XPO4: variants seen among roughly 807,000 people sequenced by gnomAD.
XPO4 encodes the protein exportin 4, also known as exportin-4.
Under a neutral mutation model 143.0 loss-of-function variants are expected in XPO4, and 39 were observed. The observed-to-expected ratio is 0.27, with a 90% confidence interval of 0.21 to 0.36. The LOEUF (loss-of-function observed/expected upper bound fraction) is 0.36. Ranked by LOEUF, XPO4 falls within the 10% of genes least tolerant of loss-of-function variation. The pLI, the probability that XPO4 is intolerant of heterozygous loss-of-function variation, is 1.00. For synonymous variants in XPO4, 439 were observed against 474.0 expected (o/e 0.93, Z 0.96); for missense variants, 907 against 1,348.0 (o/e 0.67, Z 5.12).
intron 9 of XPO4, among the ~76,000 whole-genome samples, chr13:20,817,754 T>C (rs985269810): frequency 2.0e-4 from 31 of 152,338 alleles, no homozygotes; most frequent in African/African-American, 7.0e-4. Context: ...TTATAAATCT[T>C]TTATAAAACA....
intron 16 of XPO4, 41 bp downstream of exon 16, chr13:20,799,124 G>A: frequency 6.6e-7 from 1 of 1,522,294 alleles, no homozygotes; most frequent in Non-Finnish European, 8.9e-7. Flanking sequence ...GAACTACAGA[G>A]TTACACAAAA....
chr13:20,900,929 A>G (rs1382538896), intron 1 of XPO4, among the ~76,000 whole-genome samples: 1 of 152,148 alleles, frequency 6.6e-6, no homozygotes, highest in Non-Finnish European at 1.5e-5. Context: ...CCTGTTTTTA[A>G]TAACATGACA....
intron 22 of XPO4, among the ~76,000 whole-genome samples, chr13:20,786,136 A>G (rs995419506): frequency 1.3e-5 from 2 of 152,050 alleles, no homozygotes; most frequent in African/African-American, 4.8e-5. Context: ...AGAGCAAGAA[A>G]TGAAGCCCCA....
chr13:20,848,961 A>G (rs1273193967), intron 4 of XPO4: 14 of 985,302 alleles, frequency 1.4e-5, no homozygotes, highest in Non-Finnish European at 1.7e-5. Context: ...TCTTATCTTC[A>G]CATTGAAAGT....
rs139318689 is a variant in XPO4 at position 20,788,065 on chromosome 13, T to G, written c.3047+421A>C. ...CAGTTTTTTGTTTTTTTGTTTTTTTTTTTTTTTGAGATGGAGTTTCACTCT... is the reference window on the plus strand; with the variant it reads ...CAGTTTTTTGTTTTTTTGTTTTTTTGTTTTTTTGAGATGGAGTTTCACTCT... On this transcript the variant is annotated intron_variant, in intron 20 of 22. Coordinates refer to ENST00000255305, the MANE Select transcript of XPO4 (RefSeq NM_022459.5). Among the ~76,000 whole-genome samples the G allele has an allele frequency of 7.5e-3, 1,141 of 151,294 alleles. 7 individuals carry two copies. Among genetic ancestry groups the G allele is most frequent in the Non-Finnish European group, 0.011 (725 of 67,748 alleles).
intron 8 of XPO4, 85 bp downstream of exon 8, chr13:20,822,047 A>G (rs1286874234): frequency 4.7e-6 from 7 of 1,480,244 alleles, no homozygotes; most frequent in Non-Finnish European, 6.3e-6. Flanking sequence ...TAAGGGGGAA[A>G]AAATAACTAG....
At chr13:20,856,966 A>G (rs2060150305) in intron 3 of XPO4, 1 of 854,692 alleles carries the variant, frequency 1.2e-6, no homozygotes, top group Non-Finnish European at 1.4e-6. Flanking sequence ...GCACACTAGC[A>G]TATGCAAAGC....
chr13:20,791,858 T>C (rs543002031), intron 18 of XPO4, among the ~76,000 whole-genome samples: 121 of 152,344 alleles, frequency 7.9e-4, no homozygotes, highest in African/African-American at 2.7e-3. Context: ...AATCCACTTG[T>C]TAAGCCTAAC....
chr13:20,876,902 T>G (rs969127652), intron 1 of XPO4, among the ~76,000 whole-genome samples: 2 of 152,280 alleles, frequency 1.3e-5, no homozygotes, highest in Admixed American at 6.5e-5. Context: ...CCCAAGCAGG[T>G]TGCCGCTGCT....
intron 22 of XPO4, among the ~76,000 whole-genome samples, chr13:20,786,375 A>G (rs929365076): frequency 2.6e-4 from 39 of 151,484 alleles, no homozygotes; most frequent in African/African-American, 9.0e-4. Context: ...GGAGAGGAAA[A>G]GGGGAAACAG....
In XPO4 at chr13:20,865,906, T is replaced by C. The variant is rs182404396; in HGVS notation, c.175+2690A>G. On this transcript the variant is annotated intron_variant, in intron 2 of 22. Transcript: ENST00000255305. The stretch of plus-strand genomic sequence containing the variant: ...TGACAGCACTACTAAGGAAACAATT[T>C]TCCAGAGGTGTAAAAGTTTACTAGT... 4.4e-3 allele frequency among the ~76,000 whole-genome samples: 671 copies of C among 152,328 alleles called. 4 individuals are homozygous for C. Among genetic ancestry groups the C allele is most frequent in the Non-Finnish European group, 6.6e-3 (447 of 68,026 alleles).
chr13:20,892,188 G>A (rs1039584526), intron 1 of XPO4, among the ~76,000 whole-genome samples: 2 of 152,102 alleles, frequency 1.3e-5, no homozygotes, highest in African/African-American at 4.8e-5. Flanking sequence ...CTGGGTTCAA[G>A]CGATTCTCCT....
chr13:20,793,209 C>T (rs536722014), intron 18 of XPO4, among the ~76,000 whole-genome samples: 2 of 152,188 alleles, frequency 1.3e-5, no homozygotes, highest in South Asian at 4.2e-4. Context: ...TTCCTTTTTA[C>T]CATCCATTTG....
At chr13:20,810,689 C>T (rs949764282) in intron 9 of XPO4, among the ~76,000 whole-genome samples, 3 of 152,128 alleles carry the variant, frequency 2.0e-5, no homozygotes, top group African/African-American at 7.2e-5. Flanking sequence ...AAAAGCCAGG[C>T]TTCTTCTTGC....
intron 3 of XPO4, among the ~76,000 whole-genome samples, chr13:20,862,299 TCAACAA>T (rs990264784): frequency 6.6e-6 from 1 of 151,926 alleles, no homozygotes; most frequent in Non-Finnish European, 1.5e-5. Context: ...TCTTCACAAC[TCAACAA>T]CAACAACAAA....
At position 20,843,800 on chromosome 13, in the gene XPO4, T is replaced by C; in HGVS notation, c.543A>G (p.Glu181=). ...SKTSNIGLSM[E]FHGNCKRVFQ... is the part of the protein sequence containing the mutation. The stretch of plus-strand genomic sequence containing the variant: ...AAACTCTTTTGCAGTTACCATGGAA[T>C]TCCATGCTCAATCCAATGTTGCTAG... Residue 181 remains glutamate (E), a synonymous_variant, in exon 5 of 23, where the codon GAA becomes GAG. Coordinates refer to ENST00000255305, the MANE Select transcript of XPO4 (RefSeq NM_022459.5). 1 of 1,613,292 alleles carries C rather than the reference T, an allele frequency of 6.2e-7. No individual in the cohort carries two copies. The highest frequency in any genetic ancestry group is 8.5e-7 in the Non-Finnish European group (1 of 1,179,708).
chr13:20,799,114 GA>G, intron 16 of XPO4, 50 bp downstream of exon 16: 1 of 1,488,502 alleles, frequency 6.7e-7, no homozygotes. Context: ...ATAGATAAAG[GA>G]ACTACAGAGT....
At chr13:20,881,574 A>G (rs1398607711) in intron 1 of XPO4, among the ~76,000 whole-genome samples, 1 of 151,922 alleles carries the variant, frequency 6.6e-6, no homozygotes, top group Admixed American at 6.6e-5. Flanking sequence ...CCAGCCAATA[A>G]TTTTTTTTAA....
intron 16 of XPO4, among the ~76,000 whole-genome samples, 161 bp from the exon 17 acceptor site, chr13:20,797,218 G>A (rs892286445): frequency 3.3e-5 from 5 of 152,006 alleles, no homozygotes; most frequent in South Asian, 2.1e-4. Flanking sequence ...CCATTTTGAG[G>A]GTCATCCTAA....
Sources: allele counts gnomAD v4.1 joint callset (sites outside exome capture counted in the v4.1 genomes callset), GRCh38; gene constraint gnomAD v4.1.1; transcripts MANE v1.5; gene names NCBI Gene and HGNC (gene_info 2026-07-23, HGNC 2026-07-21).